The following NUP214 variants were observed in gnomAD, a reference collection of about 807,000 sequenced individuals.
The protein encoded by NUP214 is nucleoporin 214.
Under a neutral mutation model 196.2 loss-of-function variants are expected in NUP214, and 79 were observed. The observed-to-expected ratio is 0.40, with a 90% CI of 0.34 to 0.49. NUP214 has a LOEUF of 0.49. Among genes scored for constraint, NUP214 ranks in the 20% least tolerant of loss-of-function variants. The pLI, the probability that NUP214 is intolerant of heterozygous loss-of-function variation, is 0.58. For missense variants in NUP214, 2,468 were observed against 2,539.0 expected (o/e 0.97, Z 0.60); for synonymous variants, 1,020 against 990.5 (o/e 1.03, Z -0.56).
intron 3 of NUP214, 29 bp from the exon 4 acceptor site, chr9:131,129,250 A>G: frequency 1.9e-6 from 3 of 1,583,438 alleles, no homozygotes; most frequent in Non-Finnish European, 2.6e-6. Flanking sequence ...TTGTTAACTT[A>G]TTTCACTTTT....
chr9:131,183,211 A>C lies in NUP214; in HGVS notation c.3420-4078A>C, dbSNP rs539016014. ...GTGATTTTCCTGCCTCAGCCTCCCT[A>C]GTAGCTGGGATTACAGGTGCCCACC... On this transcript the variant is annotated intron_variant, in intron 24 of 35. Coordinates refer to ENST00000359428, the MANE Select transcript of NUP214 (RefSeq NM_005085.4). 2.0e-5 allele frequency among the ~76,000 whole-genome samples: 3 copies of C among 152,166 alleles called. No individual in the cohort carries two copies. In the East Asian group the frequency reaches 5.8e-4, roughly 29 times the overall value.
At chr9:131,214,403 T>C (rs527546677) in intron 30 of NUP214, among the ~76,000 whole-genome samples, 1 of 152,334 alleles carries the variant, frequency 6.6e-6, no homozygotes, top group South Asian at 2.1e-4. Flanking sequence ...ACCACCATTT[T>C]ACAGGAGAGG....
intron 17 of NUP214, chr9:131,153,075 T>C (rs1435566686): frequency 6.6e-6 from 1 of 152,222 alleles, no homozygotes; most frequent in African/African-American, 2.4e-5. Context: ...CTATTCTTAA[T>C]TATTCTTAAT....
chr9:131,193,629 C>CTTTTTTTTTTTTGTTTT (rs1833679418), intron 27 of NUP214, among the ~76,000 whole-genome samples: 1 of 28,218 alleles, frequency 3.5e-5, no homozygotes, highest in African/African-American at 1.2e-4. Flanking sequence ...TCTTCCTTTT[C>CTTTTTTTTTTTTGTTTT]TTTTTTTTTT....
chr9:131,232,498 A>C lies in NUP214; in HGVS notation c.6239+190A>C. 1.5e-6 allele frequency: 1 copy of C among 657,668 alleles called. No individual in the cohort carries two copies. Among genetic ancestry groups the C allele is most frequent in the Non-Finnish European group, 2.7e-6 (1 of 365,152 alleles). The allele number at this position is 657,668 out of a possible 1,614,324, so 40.7% of individuals were successfully genotyped here. On this transcript the variant is annotated intron_variant, in intron 35 of 35. Coordinates refer to ENST00000359428, the MANE Select transcript of NUP214 (RefSeq NM_005085.4). The surrounding 1 kb of genome is among the most constrained non-coding windows in gnomAD (Gnocchi z 5.1). ...TTGCTCTTCTCTGTAGCAATATGGC[A>C]GGAGGTGCCAGGCCTCGCCTTCTTA...
intron 24 of NUP214, among the ~76,000 whole-genome samples, chr9:131,185,064 A>G (rs2131019494): frequency 6.6e-6 from 1 of 152,340 alleles, no homozygotes; most frequent in South Asian, 2.1e-4. Context: ...AAAATCCTGA[A>G]ATAAGTTACA....
At chr9:131,135,847 G>T (rs1831710134) in intron 8 of NUP214, 93 bp from the exon 9 acceptor site, 1 of 871,484 alleles carries the variant, frequency 1.1e-6, no homozygotes, top group East Asian at 2.5e-5. Flanking sequence ...TTGACATGTG[G>T]AGGCAGCCCT....
Position 131,146,272 on chromosome 9 carries a change from C to T in NUP214, c.1913C>T (p.Pro638Leu), listed in dbSNP as rs1018524309. The T allele has an allele frequency of 1.9e-6, 3 of 1,614,168 alleles. No individual in the cohort carries two copies. The African/African-American group carries it at 4.0e-5, about 22-fold the overall frequency. Residue 638 changes from proline (P) to leucine (L), a missense_variant, in exon 13 of 36, where the codon CCA becomes CTA. Coordinates refer to ENST00000359428, the MANE Select transcript of NUP214 (RefSeq NM_005085.4). This position sits in a 1 kb window ranked among gnomAD's most constrained non-coding sequence, Gnocchi z 4.6. ...TPLSAPPSSVPLKSSVLPSPS... is the reference protein window; with the variant it reads ...TPLSAPPSSVLLKSSVLPSPS... ...CTCTCAGCACCACCTAGTTCCGTGC[C>T]ATTGAAGTCCTCAGTCTTGCCCTCA...
In NUP214 at chr9:131,150,550, C is replaced by A; in HGVS notation, c.2128-66C>A. The A allele has an allele frequency of 3.1e-6, 5 of 1,589,504 alleles. No homozygotes were observed. In the South Asian group the frequency reaches 5.6e-5, roughly 18 times the overall value. ...CCCAGCAGTCTGAGCAGTTAGTAAGCACGATAGCAGTGACATTACTGTTTG... is the reference window on the plus strand; with the variant it reads ...CCCAGCAGTCTGAGCAGTTAGTAAGAACGATAGCAGTGACATTACTGTTTG... On this transcript the variant is annotated intron_variant, in intron 15 of 35. Coordinates refer to ENST00000359428, the MANE Select transcript of NUP214 (RefSeq NM_005085.4).
intron 32 of NUP214, among the ~76,000 whole-genome samples, chr9:131,227,516 A>C (rs1006496004): frequency 6.6e-6 from 1 of 151,876 alleles, no homozygotes; most frequent in Admixed American, 6.6e-5. Context: ...TGAGCGAGAG[A>C]AAGGGAGACT....
In NUP214 at chr9:131,198,220, G is replaced by A. The variant is rs930063509; in HGVS notation, c.4726G>A (p.Asp1576Asn). Residue 1576 changes from aspartate to asparagine, a missense_variant, in exon 29 of 36, where the codon GAT (aspartate) becomes AAT (asparagine). Coordinates refer to ENST00000359428, the MANE Select transcript of NUP214 (RefSeq NM_005085.4). ...EATPATTGVP[D>N]ARTEAVPPAS... Reference sequence around the variant, plus strand: ...TACCCCAGCCACCACGGGGGTCCCTGATGCCAGGACGGAGGCAGTACCACC... The same window carrying A: ...TACCCCAGCCACCACGGGGGTCCCTAATGCCAGGACGGAGGCAGTACCACC... 4.3e-6 allele frequency: 7 copies of A among 1,614,110 alleles called. No individual in the cohort carries two copies. In the African/African-American group the frequency reaches 9.3e-5, roughly 22 times the overall value.
rs1832685140 is a variant in NUP214 at position 131,162,991 on chromosome 9, G to T, written c.2541G>T (p.Arg847Ser). 1.2e-6 allele frequency: 2 copies of T among 1,613,856 alleles called. No individual in the cohort carries two copies. The highest frequency in any genetic ancestry group is 1.7e-6 in the Non-Finnish European group (2 of 1,179,918). ...ATTCTTTTCTCATTGTTGTCAACAGGCACCTGCTTGTGCCAGAGCGAGAGA... is the reference window on the plus strand; with the variant it reads ...ATTCTTTTCTCATTGTTGTCAACAGTCACCTGCTTGTGCCAGAGCGAGAGA... The part of the protein sequence containing the change: ...DQHLEQKKKQ[R>S]HLLVPERETL... Residue 847 changes from arginine (R) to serine (S), a missense_variant and splice_region_variant, in exon 19 of 36, where the codon AGG becomes AGT. Physicochemically the swap from Arg to Ser is moderately radical, Grantham distance 110 (BLOSUM62 -1). This residue lies in a region of NUP214 where 1,801 missense variants were observed against 1,779.4 expected (regional missense o/e 1.01). Coordinates refer to ENST00000359428, the MANE Select transcript of NUP214 (RefSeq NM_005085.4).
chr9:131,217,926 A>T (rs534545665), intron 31 of NUP214, among the ~76,000 whole-genome samples: 1 of 152,216 alleles, frequency 6.6e-6, no homozygotes. Context: ...ATTTGGTGAC[A>T]TCGTTTGGGG....
Position 131,234,573 on chromosome 9 carries a change from G to A in NUP214, c.*1086G>A, listed in dbSNP as rs1834961754. ...CTTTGGCTTGGGTCATGAGCAGCGG[G>A]GAGTTGGGAAGAGATTTTTTTTTTT... is the stretch of plus-strand genomic sequence containing the variant. On this transcript the variant is annotated 3_prime_UTR_variant, in exon 36 of 36. Transcript: ENST00000359428. 1 of 231,656 alleles carries A rather than the reference G, an allele frequency of 4.3e-6. No individual in the cohort carries two copies. The highest frequency in any genetic ancestry group is 5.6e-5 in the Admixed American group (1 of 17,714). 14.4% of individuals were successfully genotyped at this position (231,656 alleles called of 1,614,324 possible). A position where few individuals can be genotyped will look rare whatever the true frequency, so the allele number is the denominator to read the frequency against.
At chr9:131,223,733 T>TATTTATTTATTTA (rs1386712070) in intron 32 of NUP214, among the ~76,000 whole-genome samples, 5 of 31,786 alleles carry the variant, frequency 1.6e-4, no homozygotes, top group African/African-American at 4.1e-4. Flanking sequence ...ATTTATTTTT[T>TATTTATTTATTTA]TTTTTTTTTT....
At chr9:131,128,910 T>C (rs1831445678) in intron 3 of NUP214, 1 of 330,340 alleles carries the variant, frequency 3.0e-6, no homozygotes, top group Non-Finnish European at 5.7e-6. Context: ...GTAGGTACTA[T>C]TATCTTCATT....
Position 131,214,695 on chromosome 9 carries a change from A to T in NUP214, c.5593-517A>T, listed in dbSNP as rs372547635. ...TTCAGCTTTGGTCATCATTTCAACA[A>T]TGAAGCTAATTTAAGCTTACTTCTG... On this transcript the variant is annotated intron_variant, in intron 30 of 35. Transcript: ENST00000359428. Among the ~76,000 whole-genome samples the T allele has an allele frequency of 1.1e-4, 16 of 152,348 alleles. No individual in the cohort carries two copies. The South Asian group carries it at 3.3e-3, about 32-fold the overall frequency.
At chr9:131,163,809 C>G (rs955336818) in intron 19 of NUP214, 61 bp from the exon 20 acceptor site, 8 of 1,226,392 alleles carry the variant, frequency 6.5e-6, no homozygotes, top group African/African-American at 4.5e-5. Flanking sequence ...ATAGTGTACC[C>G]CCGACAGCCT....
intron 14 of NUP214, 177 bp from the exon 15 acceptor site, chr9:131,150,147 C>T: frequency 1.7e-6 from 1 of 579,288 alleles, no homozygotes; most frequent in Non-Finnish European, 3.1e-6. Context: ...TCACCTCTAC[C>T]TGCACTGTCT....
Sources: allele counts gnomAD v4.1 joint callset (sites outside exome capture counted in the v4.1 genomes callset), GRCh38; gene constraint gnomAD v4.1.1; regional missense constraint gnomAD v4.1.1; non-coding constraint Gnocchi (gnomAD v3.1); transcripts MANE v1.5; gene names NCBI Gene and HGNC (gene_info 2026-07-23, HGNC 2026-07-21).